Variants in PKIA observed in about 807,000 individuals in gnomAD.
PKIA encodes cAMP-dependent protein kinase inhibitor alpha, also known as PKI-alpha.
Under a neutral mutation model 7.6 loss-of-function variants are expected in PKIA, and 4 were observed. That is an observed-to-expected ratio of 0.52 (90% CI 0.26 to 1.20). The LOEUF (loss-of-function observed/expected upper bound fraction) is 1.20. Among genes scored for constraint, PKIA ranks in the 50% most tolerant of loss-of-function variants. The pLI is 0.13. For synonymous variants in PKIA, 21 were observed against 30.7 expected (o/e 0.68, Z 1.04); for missense variants, 73 against 86.2 (o/e 0.85, Z 0.61).
In PKIA at chr8:78,604,455, T is replaced by C. The variant is rs1304030624; in HGVS notation, c.*2634T>C. 1 of 151,924 alleles carries C rather than the reference T, an allele frequency of 6.6e-6. No homozygotes were observed. Among genetic ancestry groups the C allele is most frequent in the African/African-American group, 2.4e-5 (1 of 41,398 alleles). The allele number at this position is 151,924 out of a possible 1,614,324, so 9.4% of individuals were successfully genotyped here. A position where few individuals can be genotyped will look rare whatever the true frequency, so the allele number is the denominator to read the frequency against. On this transcript the variant is annotated 3_prime_UTR_variant, in exon 4 of 4. Transcript: ENST00000396418. Reference sequence around the variant, plus strand: ...CCAACTGCAGAGCTGTAAGGGAACTTTTAGAGATGAACTTCTTCAGCCTCC... The same window carrying C: ...CCAACTGCAGAGCTGTAAGGGAACTCTTAGAGATGAACTTCTTCAGCCTCC...
At chr8:78,564,357 A>G (rs2118528164) in intron 1 of PKIA, among the ~76,000 whole-genome samples, 1 of 152,082 alleles carries the variant, frequency 6.6e-6, no homozygotes, top group South Asian at 2.1e-4. Context: ...AGTTATGAAG[A>G]GGCAGAAAAG....
rs1808012048 is a variant in PKIA at position 78,588,451 on chromosome 8, G to A, written c.-27-9907G>A. Among the ~76,000 whole-genome samples the A allele has an allele frequency of 2.0e-5, 3 of 152,274 alleles. No individual in the cohort carries two copies. The South Asian group carries it at 6.2e-4, about 32-fold the overall frequency. On this transcript the variant is annotated intron_variant, in intron 2 of 3. Coordinates refer to ENST00000396418, the MANE Select transcript of PKIA (RefSeq NM_006823.4). ...GCCAAGATCATGCCACGGCACTCCA[G>A]CCTGGGTAACAAGAGCAAAATTGCA...
At chr8:78,577,045 GT>G (rs1222888627) in intron 2 of PKIA, among the ~76,000 whole-genome samples, 1 of 152,026 alleles carries the variant, frequency 6.6e-6, no homozygotes, top group Non-Finnish European at 1.5e-5. Context: ...CATGGATGGA[GT>G]TGGAGGCCAT....
At chr8:78,572,452 C>T (rs1183374199) in intron 1 of PKIA, among the ~76,000 whole-genome samples, 2 of 151,400 alleles carry the variant, frequency 1.3e-5, no homozygotes, top group African/African-American at 4.9e-5. Flanking sequence ...AAAGAAAAGA[C>T]AGAAAACTTG....
intron 1 of PKIA, among the ~76,000 whole-genome samples, chr8:78,530,580 G>T (rs1260831839): frequency 6.6e-6 from 1 of 151,784 alleles, no homozygotes; most frequent in East Asian, 1.9e-4. Context: ...GTATACCATG[G>T]CTTCATTTAA....
chr8:78,589,732 G>A (rs192658508), intron 2 of PKIA, among the ~76,000 whole-genome samples: 130 of 152,058 alleles, frequency 8.5e-4, no homozygotes, highest in Admixed American at 8.2e-3. Context: ...ACCTAAGAAT[G>A]TACTTGATGA....
At chr8:78,554,612 G>C (rs13264513) in intron 1 of PKIA, among the ~76,000 whole-genome samples, 30,931 of 151,798 alleles carry the variant, frequency 0.2, 3,679 homozygotes, top group African/African-American at 0.34. Flanking sequence ...TGAAAAGTAA[G>C]CTGCTGAGGA....
intron 1 of PKIA, among the ~76,000 whole-genome samples, chr8:78,520,720 TAA>T (rs1272313340): frequency 6.6e-6 from 1 of 152,190 alleles, no homozygotes; most frequent in Non-Finnish European, 1.5e-5. Context: ...GATAACTCAG[TAA>T]AGTCTGTACA....
At chr8:78,582,772 A>G (rs1345659444) in intron 2 of PKIA, among the ~76,000 whole-genome samples, 2 of 152,106 alleles carry the variant, frequency 1.3e-5, no homozygotes, top group Non-Finnish European at 2.9e-5. Context: ...GATCATAAGG[A>G]ACTTTCACAC....
intron 1 of PKIA, among the ~76,000 whole-genome samples, chr8:78,533,383 C>T (rs193147387): frequency 6.6e-6 from 1 of 152,198 alleles, no homozygotes; most frequent in East Asian, 1.9e-4. Flanking sequence ...TCTTCAAGTA[C>T]TTAAAATAGA....
chr8:78,602,016 A>G lies in PKIA; in HGVS notation c.*195A>G. The stretch of plus-strand genomic sequence containing the variant: ...CAGACTTTTCCCTACCTCTGTCATT[A>G]GCAATGGTTGAAATCATGTGGCTTG... On this transcript the variant is annotated 3_prime_UTR_variant, in exon 4 of 4. Coordinates refer to ENST00000396418, the MANE Select transcript of PKIA (RefSeq NM_006823.4). The G allele has an allele frequency of 1.7e-6, 1 of 576,550 alleles. No individual in the cohort carries two copies. Among genetic ancestry groups the G allele is most frequent in the Non-Finnish European group, 3.1e-6 (1 of 324,630 alleles). 35.7% of individuals were successfully genotyped at this position (576,550 alleles called of 1,614,324 possible). A position where few individuals can be genotyped will look rare whatever the true frequency, so the allele number is the denominator to read the frequency against.
chr8:78,573,645 T>C (rs1197849238), intron 2 of PKIA, among the ~76,000 whole-genome samples: 2 of 151,996 alleles, frequency 1.3e-5, no homozygotes, highest in Non-Finnish European at 2.9e-5. Context: ...TATATTAATA[T>C]ATACTTATTA....
chr8:78,531,035 A>G (rs73241239), intron 1 of PKIA, among the ~76,000 whole-genome samples: 5,111 of 152,180 alleles, frequency 0.034, 93 homozygotes, highest in African/African-American at 0.041. Context: ...GCCTACAAGA[A>G]AGCATTTATA....
At chr8:78,600,651 G>T (rs1262815155) in intron 3 of PKIA, among the ~76,000 whole-genome samples, 1 of 152,074 alleles carries the variant, frequency 6.6e-6, no homozygotes, top group Non-Finnish European at 1.5e-5. Flanking sequence ...CATCATGCGA[G>T]CCTCTCACAA....
intron 2 of PKIA, among the ~76,000 whole-genome samples, chr8:78,594,151 C>T (rs748874830): frequency 1.1e-4 from 17 of 152,034 alleles, no homozygotes; most frequent in African/African-American, 3.4e-4. Context: ...ACCTTTAGAT[C>T]GCTACCTGAA....
At position 78,542,026 on chromosome 8, in the gene PKIA, A is replaced by G. The variant is rs1324258747; in HGVS notation, c.-157+25558A>G. Among the ~76,000 whole-genome samples, 16 of 152,106 alleles carry G rather than the reference A, an allele frequency of 1.1e-4. No individual in the cohort carries two copies. In the South Asian group the frequency reaches 2.9e-3, roughly 28 times the overall value. ...CTCTACAAAAAATATATTTTAAAAA[A>G]TCAGCTGGGCATGGTGGTGTGCATC... On this transcript the variant is annotated intron_variant, in intron 1 of 3. Transcript: ENST00000396418.
At chr8:78,593,997 T>C (rs957596504) in intron 2 of PKIA, among the ~76,000 whole-genome samples, 4 of 152,238 alleles carry the variant, frequency 2.6e-5, no homozygotes, top group African/African-American at 4.8e-5. Flanking sequence ...ATTTAACATA[T>C]TCTTATTTAA....
At chr8:78,534,012 A>C (rs1806455402) in intron 1 of PKIA, 1 of 152,158 alleles carries the variant, frequency 6.6e-6, no homozygotes, top group African/African-American at 2.4e-5. Flanking sequence ...TTTTACTTAA[A>C]ACAAGCAAGT....
At position 78,547,101 on chromosome 8, in the gene PKIA, GTTTT is replaced by G. The variant is rs1007982352; in HGVS notation, c.-156-25704_-156-25701del. On this transcript the variant is annotated intron_variant, in intron 1 of 3. Transcript: ENST00000396418. ...AAAGAGAAAAAACAAAAACAGTTTT[GTTTT>G]TTTTTGTTTGTTTGTTTTTTTGTGA... Among the ~76,000 whole-genome samples the G allele has an allele frequency of 7.3e-5, 11 of 150,640 alleles. No homozygotes were observed. The East Asian group carries it at 1.2e-3, about 16-fold the overall frequency.
Sources: gnomAD v4.1 joint callset for allele counts (sites outside exome capture counted in the v4.1 genomes callset) on GRCh38, gnomAD v4.1.1 for gene constraint, MANE v1.5 for transcripts, NCBI Gene and HGNC (gene_info 2026-07-23, HGNC 2026-07-21) for gene names.